The following ARHGAP8 variants were observed in gnomAD, a reference collection of about 807,000 sequenced individuals.
ARHGAP8 encodes the protein Rho GTPase activating protein 8.
In ARHGAP8, 62 loss-of-function variants were observed where a neutral mutation model predicts 46.1. That is an observed-to-expected ratio of 1.34 (90% confidence interval 1.10 to 1.66). The LOEUF is 1.66. Ranked by LOEUF, ARHGAP8 falls within the 40% of genes most tolerant of loss-of-function variation. The pLI is 0.00. For synonymous variants in ARHGAP8, 375 were observed against 243.1 expected (o/e 1.54, Z -5.05); for missense variants, 923 against 568.4 (o/e 1.62, Z -6.34).
rs1301421310 is a variant in ARHGAP8, at chr22:44,820,237, GC to G, written c.387-2131del. The stretch of plus-strand genomic sequence containing the variant: ...CCCGAGAGGAGAGGCAAGTGGCAGG[GC>G]CCTGGCTGCACCTGTCCCAGAGTCC... On this transcript the variant is annotated intron_variant, in intron 5 of 11. Transcript: ENST00000356099. Among the ~76,000 whole-genome samples, 4 of 152,294 alleles carry G rather than the reference GC, an allele frequency of 2.6e-5. No homozygotes were observed. The East Asian group carries it at 5.8e-4, about 22-fold the overall frequency.
intron 10 of ARHGAP8, among the ~76,000 whole-genome samples, chr22:44,855,087 T>C (rs778279253): frequency 2.0e-5 from 3 of 152,234 alleles, no homozygotes; most frequent in Non-Finnish European, 4.4e-5. Context: ...TGCTCATGTA[T>C]CTCTAAGCCA....
At chr22:44,837,899 TCA>T (rs1931395210) in intron 7 of ARHGAP8, among the ~76,000 whole-genome samples, 1 of 152,178 alleles carries the variant, frequency 6.6e-6, no homozygotes, top group African/African-American at 2.4e-5. Flanking sequence ...TTTGGGGACC[TCA>T]GTTTTCTCAT....
At chr22:44,851,133 C>T (rs5766103) in intron 10 of ARHGAP8, among the ~76,000 whole-genome samples, 7,197 of 152,228 alleles carry the variant, frequency 0.047, 424 homozygotes, top group East Asian at 0.31. Context: ...AAGGACCCAG[C>T]TCTGGCTTGC....
At position 44,859,866 on chromosome 22, in the gene ARHGAP8, G is replaced by C. The variant is rs1207290591; in HGVS notation, c.981+32G>C. 3 of 1,606,514 alleles carry C rather than the reference G, an allele frequency of 1.9e-6. No individual in the cohort carries two copies. In the South Asian group the frequency reaches 3.3e-5, roughly 18 times the overall value. On this transcript the variant is annotated intron_variant, in intron 11 of 11. Transcript: ENST00000356099. Reference sequence around the variant, plus strand: ...GGGGAAGGGGGGAGCTTGGGGTGAAGCCCAGTGGCCTTCCCTCCCATGCTG... The same window carrying C: ...GGGGAAGGGGGGAGCTTGGGGTGAACCCCAGTGGCCTTCCCTCCCATGCTG...
intron 7 of ARHGAP8, among the ~76,000 whole-genome samples, chr22:44,833,103 T>TTCTTTTCTTTTTTC (rs1373088710): frequency 5.5e-5 from 8 of 144,946 alleles, no homozygotes; most frequent in African/African-American, 2.1e-4. Flanking sequence ...TTTCTTTTTT[T>TTCTTTTCTTTTTTC]TTTTTTTTTT....
At position 44,845,325 on chromosome 22, in the gene ARHGAP8, C is replaced by T. The variant is rs145431642; in HGVS notation, c.653C>T (p.Thr218Met). ...CCCCCTGTGCTGAGGTTCACAGTGACGTACCTGAGAGAGAAAGGTGAGACG... is the reference window on the plus strand; with the variant it reads ...CCCCCTGTGCTGAGGTTCACAGTGATGTACCTGAGAGAGAAAGGTGAGACG... ...LIPPVLRFTV[T>M]YLREKGLRTE... is the part of the protein sequence containing the mutation. Residue 218 changes from threonine to methionine, a missense_variant, in exon 8 of 12, where the codon ACG becomes ATG. Physicochemically the swap from Thr to Met is moderately conservative, Grantham distance 81. Transcript: ENST00000356099. 7.0e-4 allele frequency: 1,129 copies of T among 1,614,126 alleles called. No homozygotes were observed. Among genetic ancestry groups the T allele is most frequent in the Non-Finnish European group, 7.9e-4 (927 of 1,180,022 alleles).
In ARHGAP8 at chr22:44,814,693, C is replaced by T. The variant is rs779191482; in HGVS notation, c.321C>T (p.Ala107=). 1 of 1,613,916 alleles carries T rather than the reference C, an allele frequency of 6.2e-7. No individual in the cohort carries two copies. Among genetic ancestry groups the T allele is most frequent in the Non-Finnish European group, 8.5e-7 (1 of 1,179,938 alleles). ...FDRKYKKNLK[A]LYVVHPTSFI... ...TCAGGTACAAGAAGAACTTGAAGGC[C>T]CTCTACGTGGTGCACCCCACCAGCT... is the stretch of plus-strand genomic sequence containing the variant. Residue 107 remains alanine, a synonymous_variant, in exon 5 of 12, where the codon GCC becomes GCT. Transcript: ENST00000356099.
chr22:44,811,996 CAA>C (rs80292686), intron 4 of ARHGAP8, among the ~76,000 whole-genome samples: 149 of 131,290 alleles, frequency 1.1e-3, no homozygotes, highest in South Asian at 1.2e-3. Flanking sequence ...AACTCTGTTT[CAA>C]AAAAAAAAAA....
intron 9 of ARHGAP8, among the ~76,000 whole-genome samples, chr22:44,848,302 C>G (rs911201347): frequency 6.6e-6 from 1 of 152,224 alleles, no homozygotes; most frequent in South Asian, 2.1e-4. Context: ...TTTAGGGTCT[C>G]TCCATCCACA....
rs58021466 is a variant in ARHGAP8, at chr22:44,862,609, CTG to C, written c.*16_*17del. 97,026 of 1,541,474 alleles carry C rather than the reference CTG, an allele frequency of 0.063. 5,193 individuals are homozygous for C. The highest frequency in any genetic ancestry group is 0.33 in the East Asian group (14,249 of 43,248). Reference sequence around the variant, plus strand: ...AGACGTCTCTAGTGTTGCGAACACTCTGTATATTTCGAGCTACCTCCCACACC... The same window carrying C: ...AGACGTCTCTAGTGTTGCGAACACTCTATATTTCGAGCTACCTCCCACACC... On this transcript the variant is annotated 3_prime_UTR_variant, in exon 12 of 12. Coordinates refer to ENST00000356099, the MANE Select transcript of ARHGAP8 (RefSeq NM_181335.3).
intron 4 of ARHGAP8, among the ~76,000 whole-genome samples, chr22:44,812,151 T>G (rs1048377919): frequency 1.3e-5 from 2 of 152,038 alleles, no homozygotes; most frequent in East Asian, 3.9e-4. Context: ...GTGAACAAAT[T>G]CGCACGCAAG....
chr22:44,835,526 CAGG>C (rs771360731), intron 7 of ARHGAP8, among the ~76,000 whole-genome samples: 9 of 152,118 alleles, frequency 5.9e-5, no homozygotes, highest in Non-Finnish European at 4.4e-5. Context: ...GAGGCTGAGG[CAGG>C]AGAATCACTT....
At chr22:44,792,041 C>T (rs1262592596) in intron 2 of ARHGAP8, among the ~76,000 whole-genome samples, 29 of 148,586 alleles carry the variant, frequency 2.0e-4, no homozygotes, top group African/African-American at 7.3e-4. Context: ...TAGATGGAGT[C>T]TTGCTCTGTT....
chr22:44,754,293 G>A (rs1214717007), intron 1 of ARHGAP8, among the ~76,000 whole-genome samples: 2 of 151,978 alleles, frequency 1.3e-5, no homozygotes, highest in African/African-American at 4.8e-5. Flanking sequence ...GTGCCTGACG[G>A]GGTGGGCCAA....
At chr22:44,760,167 G>A (rs960679295) in intron 1 of ARHGAP8, among the ~76,000 whole-genome samples, 2 of 152,208 alleles carry the variant, frequency 1.3e-5, no homozygotes, top group African/African-American at 2.4e-5. Flanking sequence ...ATGGCCTTGC[G>A]CATGCCGTCT....
At chr22:44,760,912 CAGGG>C (rs911372844) in intron 1 of ARHGAP8, among the ~76,000 whole-genome samples, 4 of 152,078 alleles carry the variant, frequency 2.6e-5, no homozygotes, top group Admixed American at 2.0e-4. Flanking sequence ...AAGGGCTTGT[CAGGG>C]AGGGTCGGGA....
At chr22:44,813,983 G>A (rs896693628) in intron 4 of ARHGAP8, among the ~76,000 whole-genome samples, 4 of 152,112 alleles carry the variant, frequency 2.6e-5, no homozygotes, top group African/African-American at 9.7e-5. Context: ...GCCCCTTCTC[G>A]CCTCCTGGGC....
chr22:44,858,623 G>A (rs900303297), intron 10 of ARHGAP8, among the ~76,000 whole-genome samples: 4 of 144,358 alleles, frequency 2.8e-5, no homozygotes, highest in East Asian at 2.1e-4. Context: ...TGCCTGCCTC[G>A]GCCTCCCAAA....
intron 11 of ARHGAP8, among the ~76,000 whole-genome samples, chr22:44,861,948 G>C (rs11704103): frequency 0.2 from 30,445 of 152,072 alleles, 3,651 homozygotes; most frequent in Admixed American, 0.25. Context: ...CACCAAGTTC[G>C]TACCGTCTGT....
Sources: allele counts gnomAD v4.1 joint callset (sites outside exome capture counted in the v4.1 genomes callset), GRCh38; gene constraint gnomAD v4.1.1; transcripts MANE v1.5; gene names NCBI Gene and HGNC (gene_info 2026-07-23, HGNC 2026-07-21).